PEBP4: variants seen among roughly 807,000 people sequenced by gnomAD.
The protein encoded by PEBP4 is phosphatidylethanolamine binding protein 4.
Under a neutral mutation model 23.9 loss-of-function variants are expected in PEBP4, and 22 were observed. That is an observed-to-expected ratio of 0.92 (90% CI 0.66 to 1.31). PEBP4 has a LOEUF of 1.31. Among genes scored for constraint, PEBP4 ranks in the 40% most tolerant of loss-of-function variants. The pLI is 0.00. For synonymous variants in PEBP4, 112 were observed against 99.3 expected (o/e 1.13, Z -0.76); for missense variants, 324 against 281.7 (o/e 1.15, Z -1.07).
At chr8:22,851,926 A>C (rs901680475) in intron 3 of PEBP4, among the ~76,000 whole-genome samples, 2 of 151,968 alleles carry the variant, frequency 1.3e-5, no homozygotes, top group African/African-American at 4.8e-5. Flanking sequence ...TGCAGCTCTG[A>C]CCCCAGCGCC....
chr8:22,734,983 G>A (rs1804827758), intron 4 of PEBP4, among the ~76,000 whole-genome samples: 1 of 152,144 alleles, frequency 6.6e-6, no homozygotes, highest in African/African-American at 2.4e-5. Flanking sequence ...GGCTGTCCAG[G>A]CCCTTTGTTC....
At chr8:22,730,881 T>G (rs1804715280) in intron 4 of PEBP4, among the ~76,000 whole-genome samples, 1 of 152,192 alleles carries the variant, frequency 6.6e-6, no homozygotes, top group African/African-American at 2.4e-5. Flanking sequence ...TTTAAGCCCC[T>G]CCAGGACTGA....
chr8:22,779,760 T>G lies in PEBP4; in HGVS notation c.357+37877A>C, dbSNP rs992373534. ...TGGAAGAGGAGACACTCAGCAGGGC[T>G]TCGAATATATGCATATAGAAAGTGA... On this transcript the variant is annotated intron_variant, in intron 4 of 6. Transcript: ENST00000256404. Among the ~76,000 whole-genome samples, 6 of 152,192 alleles carry G rather than the reference T, an allele frequency of 3.9e-5. No individual in the cohort carries two copies. In the South Asian group the frequency reaches 6.2e-4, roughly 16 times the overall value.
rs192413901 is a variant in PEBP4, at chr8:22,861,802, G to A, written c.259-44067C>T. 4.1e-3 allele frequency among the ~76,000 whole-genome samples: 624 copies of A among 152,300 alleles called. 3 individuals carry two copies. Among genetic ancestry groups the A allele is most frequent in the South Asian group, 5.8e-3 (28 of 4,822 alleles). On this transcript the variant is annotated intron_variant, in intron 3 of 6. Transcript: ENST00000256404. ...CTTGACAGAGAGGTATGGGGTAGGG[G>A]TGGTGGACAGGAGAAAATGAAAAGA... is the stretch of plus-strand genomic sequence containing the variant.
intron 4 of PEBP4, among the ~76,000 whole-genome samples, chr8:22,810,724 G>C (rs903041069): frequency 5.3e-5 from 8 of 151,398 alleles, no homozygotes; most frequent in African/African-American, 1.9e-4. Flanking sequence ...GAGAGAGAGA[G>C]AGAGAAAGAG....
intron 4 of PEBP4, among the ~76,000 whole-genome samples, chr8:22,778,221 G>A (rs565788650): frequency 1.3e-5 from 2 of 151,800 alleles, no homozygotes; most frequent in Non-Finnish European, 2.9e-5. Context: ...GCTTGGGCTC[G>A]GCACAGGTAA....
At chr8:22,728,686 C>A (rs1804675038) in intron 4 of PEBP4, among the ~76,000 whole-genome samples, 1 of 151,578 alleles carries the variant, frequency 6.6e-6, no homozygotes, top group South Asian at 2.1e-4. Context: ...CAACCTCCGC[C>A]TCCCAGGTTC....
chr8:22,924,680 G>C (rs537996565), intron 2 of PEBP4: 2 of 985,340 alleles, frequency 2.0e-6, no homozygotes, highest in East Asian at 2.3e-4. Context: ...CATCCCTAGG[G>C]GAGCTTGCAG....
intron 3 of PEBP4, among the ~76,000 whole-genome samples, chr8:22,919,973 G>A (rs569956969): frequency 1.2e-4 from 19 of 152,234 alleles, no homozygotes; most frequent in African/African-American, 4.6e-4. Flanking sequence ...CATCACCAAA[G>A]TTTCCAGTCT....
chr8:22,802,222 A>C (rs1806398805), intron 4 of PEBP4, among the ~76,000 whole-genome samples: 1 of 152,102 alleles, frequency 6.6e-6, no homozygotes, highest in African/African-American at 2.4e-5. Flanking sequence ...TCTGCCCCTC[A>C]GTCTCTGATC....
intron 3 of PEBP4, among the ~76,000 whole-genome samples, chr8:22,888,718 G>C (rs1808434016): frequency 6.6e-6 from 1 of 152,172 alleles, no homozygotes; most frequent in Non-Finnish European, 1.5e-5. Context: ...CCTCACTTCT[G>C]TCCCCATCAA....
intron 3 of PEBP4, among the ~76,000 whole-genome samples, chr8:22,829,682 T>C (rs1317031860): frequency 6.6e-6 from 1 of 152,170 alleles, no homozygotes; most frequent in Non-Finnish European, 1.5e-5. Flanking sequence ...CTTCTCTCTC[T>C]TGAATATTCC....
chr8:22,827,313 C>T lies in PEBP4; in HGVS notation c.259-9578G>A, dbSNP rs943291617. 5.3e-5 allele frequency among the ~76,000 whole-genome samples: 8 copies of T among 152,096 alleles called. No individual in the cohort carries two copies. The East Asian group carries it at 5.8e-4, about 11-fold the overall frequency. On this transcript the variant is annotated intron_variant, in intron 3 of 6. Transcript: ENST00000256404. Reference sequence around the variant, plus strand: ...ATTTTTAAAAAAATGTACAAAGTTGCGCAACGATCACCATAATCTAAATTT... The same window carrying T: ...ATTTTTAAAAAAATGTACAAAGTTGTGCAACGATCACCATAATCTAAATTT...
At chr8:22,868,497 G>C (rs539054263) in intron 3 of PEBP4, among the ~76,000 whole-genome samples, 1 of 152,220 alleles carries the variant, frequency 6.6e-6, no homozygotes, top group South Asian at 2.1e-4. Context: ...ATTCCCCACA[G>C]AACTCAGCCC....
At chr8:22,875,472 C>T (rs1006655362) in intron 3 of PEBP4, among the ~76,000 whole-genome samples, 2 of 152,162 alleles carry the variant, frequency 1.3e-5, no homozygotes, top group African/African-American at 2.4e-5. Flanking sequence ...CTTCTCCCTC[C>T]TCCCACCTTC....
intron 4 of PEBP4, among the ~76,000 whole-genome samples, chr8:22,815,885 C>T (rs1175671145): frequency 2.0e-5 from 3 of 152,158 alleles, no homozygotes; most frequent in Admixed American, 6.5e-5. Flanking sequence ...GAGAGGCAGC[C>T]TCATGGTCCC....
At chr8:22,807,264 G>A (rs1415716728) in intron 4 of PEBP4, among the ~76,000 whole-genome samples, 2 of 152,296 alleles carry the variant, frequency 1.3e-5, no homozygotes, top group African/African-American at 4.8e-5. Context: ...AGGCCTAGAA[G>A]GTTTGAGCAG....
intron 3 of PEBP4, among the ~76,000 whole-genome samples, chr8:22,838,283 G>C (rs1452012239): frequency 6.6e-6 from 1 of 152,112 alleles, no homozygotes; most frequent in Non-Finnish European, 1.5e-5. Flanking sequence ...CACACAGTAG[G>C]TGCTTAAGAC....
intron 4 of PEBP4, among the ~76,000 whole-genome samples, chr8:22,774,294 C>A (rs887891287): frequency 6.6e-6 from 1 of 152,236 alleles, no homozygotes; most frequent in Non-Finnish European, 1.5e-5. Context: ...TCACTCATCT[C>A]CCCATTCACG....
Sources: allele counts gnomAD v4.1 joint callset (sites outside exome capture counted in the v4.1 genomes callset), GRCh38; gene constraint gnomAD v4.1.1; transcripts MANE v1.5; gene names NCBI Gene and HGNC (gene_info 2026-07-23, HGNC 2026-07-21).